The following CTNNA2 variants were observed in gnomAD, a reference collection of about 807,000 sequenced individuals.
CTNNA2 encodes catenin alpha 2.
CTNNA2 carries 42 observed loss-of-function variants against 101.0 expected under a neutral mutation model. The ratio of observed to expected loss-of-function variants is 0.42; its 90% CI spans 0.32 to 0.54. CTNNA2 has a LOEUF of 0.54. Ranked by LOEUF, CTNNA2 falls within the 20% of genes least tolerant of loss-of-function variation. The pLI is 0.14. For synonymous variants in CTNNA2, 450 were observed against 456.4 expected, an observed-to-expected ratio of 0.99 and a Z score of 0.18; for missense variants, 871 against 1,223.1, an observed-to-expected ratio of 0.71 and a Z score of 4.29.
Position 80,302,556 on chromosome 2 carries a change from C to A in CTNNA2, c.1057-90655C>A, listed in dbSNP as rs777356920. On this transcript the variant is annotated intron_variant, in intron 7 of 18. Coordinates refer to ENST00000402739, the MANE Select transcript of CTNNA2 (RefSeq NM_001282597.3). This position sits in a 1 kb window ranked among gnomAD's most constrained non-coding sequence, Gnocchi z 6.4. Reference sequence around the variant, plus strand: ...GTGACCACCTTGTGGATCTGCACGGCGTTCTCGGCGTGCTCGCCGCCTGGA... The same window carrying A: ...GTGACCACCTTGTGGATCTGCACGGAGTTCTCGGCGTGCTCGCCGCCTGGA... The A allele has an allele frequency of 6.2e-7, 1 of 1,608,854 alleles. No homozygotes were observed. Among genetic ancestry groups the A allele is most frequent in the Admixed American group, 1.7e-5 (1 of 60,020 alleles).
intron 3 of CTNNA2, among the ~76,000 whole-genome samples, chr2:79,320,369 T>C (rs1405755969): frequency 1.3e-5 from 2 of 151,080 alleles, no homozygotes; most frequent in Non-Finnish European, 2.9e-5. Flanking sequence ...TAGCTTTCCA[T>C]GGGACTTACC....
intron 1 of CTNNA2, among the ~76,000 whole-genome samples, chr2:79,560,491 A>G (rs995569250): frequency 1.3e-5 from 2 of 151,916 alleles, no homozygotes; most frequent in Non-Finnish European, 2.9e-5. Context: ...AGTTGGCTTT[A>G]ATTCAGGTTG....
At chr2:80,636,945 C>T (rs887396277) in intron 18 of CTNNA2, among the ~76,000 whole-genome samples, 4 of 152,094 alleles carry the variant, frequency 2.6e-5, no homozygotes, top group African/African-American at 9.7e-5. Flanking sequence ...AGAAAAGATA[C>T]ATAAGTGTTG....
At chr2:79,665,866 T>C (rs555947972) in intron 2 of CTNNA2, among the ~76,000 whole-genome samples, 11 of 152,354 alleles carry the variant, frequency 7.2e-5, no homozygotes, top group Admixed American at 5.2e-4. Context: ...TATCAACTAC[T>C]TGAATATGAT....
chr2:80,553,985 G>T (rs541874726), intron 11 of CTNNA2, among the ~76,000 whole-genome samples: 1 of 151,984 alleles, frequency 6.6e-6, no homozygotes, highest in African/African-American at 2.4e-5. Context: ...AAATTTAAAC[G>T]TTTCATTATT....
Position 80,611,740 on chromosome 2 carries a change from A to G in CTNNA2, c.2430+3422A>G, listed in dbSNP as rs1368896. 8.6e-3 allele frequency among the ~76,000 whole-genome samples: 1,300 copies of G among 151,690 alleles called. 22 individuals carry two copies. Among genetic ancestry groups the G allele is most frequent in the African/African-American group, 0.03 (1,240 of 41,470 alleles). ...ACAATATTAGAAATACTAATGTAGG[A>G]CTTTTAAATTAGCATACTGAATATC... On this transcript the variant is annotated intron_variant, in intron 17 of 18. Transcript: ENST00000402739.
At chr2:80,134,656 C>T (rs1336914384) in intron 7 of CTNNA2, among the ~76,000 whole-genome samples, 1 of 152,164 alleles carries the variant, frequency 6.6e-6, no homozygotes, top group Non-Finnish European at 1.5e-5. Flanking sequence ...TCTTCAGCAT[C>T]TCACTCAAAA....
chr2:79,305,362 A>G (rs538917199), intron 2 of CTNNA2, among the ~76,000 whole-genome samples: 15 of 135,162 alleles, frequency 1.1e-4, no homozygotes, highest in African/African-American at 4.0e-4. Context: ...ACATATATAC[A>G]TATATATACA....
intron 7 of CTNNA2, among the ~76,000 whole-genome samples, chr2:80,290,072 C>T (rs1640101127): frequency 6.6e-6 from 1 of 152,184 alleles, no homozygotes; most frequent in African/African-American, 2.4e-5. Flanking sequence ...CTGTCACTCA[C>T]ATGATCTCAT....
In CTNNA2 at chr2:79,395,766, G is replaced by T. The variant is rs1179377098; in HGVS notation, c.-135+21753G>T. Among the ~76,000 whole-genome samples, 3 of 152,126 alleles carry T rather than the reference G, an allele frequency of 2.0e-5. No individual in the cohort carries two copies. The East Asian group carries it at 5.8e-4, about 29-fold the overall frequency. On this transcript the variant is annotated intron_variant, in intron 4 of 21. Transcript: ENST00000466387. ...AGAAATGTGTTCTCACAGGATCTCTGATAAGATGGAATCAAGAGCTTGATA... is the reference window on the plus strand; with the variant it reads ...AGAAATGTGTTCTCACAGGATCTCTTATAAGATGGAATCAAGAGCTTGATA...
intron 12 of CTNNA2, among the ~76,000 whole-genome samples, chr2:80,570,061 T>C (rs1207798666): frequency 6.6e-6 from 1 of 151,978 alleles, no homozygotes; most frequent in Non-Finnish European, 1.5e-5. Context: ...TCACTCTTTC[T>C]GTTTTGAGAC....
intron 4 of CTNNA2, among the ~76,000 whole-genome samples, chr2:79,427,050 G>A (rs1414946516): frequency 6.6e-6 from 1 of 151,910 alleles, no homozygotes; most frequent in Admixed American, 6.6e-5. Context: ...ACAACCCATT[G>A]CCTTCCAAGA....
intron 7 of CTNNA2, among the ~76,000 whole-genome samples, chr2:80,251,805 G>C (rs906777254): frequency 1.3e-5 from 2 of 152,184 alleles, no homozygotes; most frequent in African/African-American, 4.8e-5. Flanking sequence ...TTAATTAAGA[G>C]TCATTGGAGC....
intron 2 of CTNNA2, among the ~76,000 whole-genome samples, chr2:79,232,358 A>T (rs1387307124): frequency 6.6e-6 from 1 of 152,090 alleles, no homozygotes; most frequent in Non-Finnish European, 1.5e-5. Context: ...GGTGAATCAC[A>T]TTTATTGATT....
intron 7 of CTNNA2, among the ~76,000 whole-genome samples, chr2:80,004,711 C>T (rs28599917): frequency 1.6e-5 from 2 of 123,288 alleles, no homozygotes; most frequent in South Asian, 2.7e-4. Context: ...ATTTATTTAT[C>T]CATCCATCCG....
chr2:79,793,349 A>G (rs900970316), intron 3 of CTNNA2, among the ~76,000 whole-genome samples: 7 of 152,176 alleles, frequency 4.6e-5, no homozygotes, highest in Non-Finnish European at 2.9e-5. Flanking sequence ...CATGGGGGTG[A>G]GACAGAGCGA....
chr2:79,681,072 T>C (rs1003646604), intron 2 of CTNNA2, among the ~76,000 whole-genome samples: 7 of 152,178 alleles, frequency 4.6e-5, no homozygotes, highest in African/African-American at 1.4e-4. Flanking sequence ...GAAGGCTTAG[T>C]TGAGCCTCGG....
At chr2:80,262,142 CTATTAACA>C (rs1352942483) in intron 7 of CTNNA2, among the ~76,000 whole-genome samples, 1 of 152,090 alleles carries the variant, frequency 6.6e-6, no homozygotes, top group Non-Finnish European at 1.5e-5. Flanking sequence ...GAAAGACCTA[CTATTAACA>C]TTTTGGTGCC....
intron 2 of CTNNA2, among the ~76,000 whole-genome samples, chr2:79,299,917 TA>T (rs896123615): frequency 1.3e-5 from 2 of 152,206 alleles, no homozygotes; most frequent in East Asian, 1.9e-4. Context: ...AAGTTATTTT[TA>T]GGGAAGTTTT....
Sources: allele counts gnomAD v4.1 joint callset (sites outside exome capture counted in the v4.1 genomes callset), GRCh38; gene constraint gnomAD v4.1.1; non-coding constraint Gnocchi (gnomAD v3.1); transcripts MANE v1.5; gene names NCBI Gene and HGNC (gene_info 2026-07-23, HGNC 2026-07-21).